Variants in STS observed in about 807,000 individuals in gnomAD.
STS encodes the protein steroid sulfatase.
STS carries 7 observed loss-of-function variants against 26.8 expected under a neutral mutation model. The observed-to-expected ratio is 0.26, with a 90% CI of 0.15 to 0.49. STS has a LOEUF of 0.49. Among genes scored for constraint, STS ranks in the 20% least tolerant of loss-of-function variants. The probability of loss-of-function intolerance (pLI) is 0.98; values close to 1 mark genes in which losing one functional copy is unlikely to be tolerated. For missense variants in STS, 434 were observed against 465.6 expected, an observed-to-expected ratio of 0.93 and a Z score of 0.63; for synonymous variants, 199 against 189.4, an observed-to-expected ratio of 1.05 and a Z score of -0.42.
chrX:7,164,339 C>A (rs1933306543), intron 1 of STS, among the ~76,000 whole-genome samples: 1 of 111,981 alleles, frequency 8.9e-6, no homozygotes, highest in Non-Finnish European at 1.9e-5. Context: ...TTCTTGTGAC[C>A]TTGACCACCC....
At chrX:7,290,723 C>G (rs569422793) in intron 7 of STS, among the ~76,000 whole-genome samples, 1 of 112,270 alleles carries the variant, frequency 8.9e-6, no homozygotes, top group Admixed American at 9.4e-5. Context: ...CTATCCCCCA[C>G]TGACCAACCT....
At chrX:7,152,187 T>C (rs183904514) in intron 1 of STS, among the ~76,000 whole-genome samples, 23 of 109,678 alleles carry the variant, frequency 2.1e-4, no homozygotes, top group Middle Eastern at 5.3e-3. Flanking sequence ...TTCCTGACCT[T>C]GCGATCCGCC....
At chrX:7,211,684 A>G in intron 2 of STS, among the ~76,000 whole-genome samples, 1 of 112,309 alleles carries the variant, frequency 8.9e-6, no homozygotes. Context: ...ATGTGAGTAT[A>G]TCTGTGAGAT....
chrX:7,340,526 G>A (rs373430800), intron 10 of STS, among the ~76,000 whole-genome samples: 1 of 112,032 alleles, frequency 8.9e-6, no homozygotes, highest in African/African-American at 3.2e-5. Flanking sequence ...TTTTGAAGAC[G>A]TGCTTGATGA....
chrX:7,305,575 A>T (rs189146012), intron 8 of STS, among the ~76,000 whole-genome samples: 4 of 112,350 alleles, frequency 3.6e-5, no homozygotes, highest in Non-Finnish European at 5.6e-5. Context: ...CAAGATGGAT[A>T]TCTCACTGGT....
intron 2 of STS, among the ~76,000 whole-genome samples, chrX:7,196,090 A>T (rs887467516): frequency 6.3e-5 from 4 of 63,352 alleles, no homozygotes; most frequent in Non-Finnish European, 1.2e-4. Flanking sequence ...AGGCAGATAA[A>T]CAAGAGAAAA....
At chrX:7,334,151 C>T in intron 10 of STS, 44 bp downstream of exon 10, 1 of 1,210,180 alleles carries the variant, frequency 8.3e-7, no homozygotes. Flanking sequence ...TCCGTGCAAC[C>T]TATGCCATGG....
intron 8 of STS, among the ~76,000 whole-genome samples, chrX:7,310,186 A>C (rs1393843917): frequency 8.9e-6 from 1 of 112,400 alleles, no homozygotes; most frequent in African/African-American, 3.2e-5. Context: ...ATAAATAAGT[A>C]AACCACTGAA....
intron 10 of STS, among the ~76,000 whole-genome samples, chrX:7,343,078 T>C (rs1254971586): frequency 9.0e-6 from 1 of 111,269 alleles, no homozygotes; most frequent in Non-Finnish European, 1.9e-5. Context: ...TGTGAAATGG[T>C]TCTTGAAGAA....
chrX:7,297,731 A>T (rs1925737114), intron 7 of STS, among the ~76,000 whole-genome samples: 2 of 112,058 alleles, frequency 1.8e-5, no homozygotes, highest in South Asian at 3.7e-4. Flanking sequence ...TTCAGAGAGG[A>T]TGATTCTCCA....
chrX:7,220,196 G>A (rs778311125), intron 2 of STS, among the ~76,000 whole-genome samples: 10 of 111,305 alleles, frequency 9.0e-5, no homozygotes, highest in African/African-American at 1.6e-4. Flanking sequence ...ATGGGCTGTC[G>A]GAATCTTCTG....
rs766006551 is a variant in STS, at chrX:7,280,157, T to A, written c.943+4070T>A. ...TGTTGACTGGATGCTAACTGTGTGC[T>A]TAAATGTTTTTTGGCAGTGTAGGGT... On this transcript the variant is annotated intron_variant, in intron 7 of 10. Transcript: ENST00000674429. Among the ~76,000 whole-genome samples, 4 of 112,276 alleles carry A rather than the reference T, an allele frequency of 3.6e-5. No homozygotes were observed. In the East Asian group the frequency reaches 1.1e-3, roughly 32 times the overall value.
At chrX:7,148,755 G>A (rs1436556359) in intron 1 of STS, among the ~76,000 whole-genome samples, 1 of 112,326 alleles carries the variant, frequency 8.9e-6, no homozygotes, top group Non-Finnish European at 1.9e-5. Flanking sequence ...CAACCTCCGT[G>A]CCTGCATCTC....
At chrX:7,332,929 A>G (rs763738480) in intron 9 of STS, among the ~76,000 whole-genome samples, 1 of 112,055 alleles carries the variant, frequency 8.9e-6, no homozygotes, top group South Asian at 3.7e-4. Context: ...TGCAGAGTGC[A>G]TGATTAATAA....
At position 7,259,519 on chromosome X, in the gene STS, C is replaced by T; in HGVS notation, c.553C>T (p.Leu185=). 1 of 1,211,985 alleles carries T rather than the reference C, an allele frequency of 8.3e-7. No individual in the cohort carries two copies. Among genetic ancestry groups the T allele is most frequent in the Non-Finnish European group, 1.1e-6 (1 of 895,474 alleles). The change falls in exon 6 of 11, where the codon CTG becomes TTG. Residue 185 remains leucine, a synonymous_variant. Transcript: ENST00000674429. ...TGFKRLVFLP[L]QIVGVTLLTL... ...CTTCAAGAGGCTGGTCTTCCTCCCC[C>T]TGCAGATCGTCGGGGTCACCCTCCT... is the stretch of plus-strand genomic sequence containing the variant.
intron 2 of STS, among the ~76,000 whole-genome samples, chrX:7,195,304 A>G (rs1294174335): frequency 9.8e-5 from 11 of 111,870 alleles, no homozygotes; most frequent in Non-Finnish European, 2.1e-4. Context: ...TGACAACATA[A>G]TGACTACTGA....
At chrX:7,346,174 C>G (rs185811684) in intron 10 of STS, among the ~76,000 whole-genome samples, 26 of 112,054 alleles carry the variant, frequency 2.3e-4, no homozygotes, top group African/African-American at 8.1e-4. Flanking sequence ...AACTTTTTCT[C>G]ACTTCAATTC....
rs190517192 is a variant in STS at position 7,261,238 on chromosome X, G to C, written c.806+1466G>C. Reference sequence around the variant, plus strand: ...TAAACTCTATGAGAGATGTAAAAGAGAGTTGGGAGGGTGATTTAAAAATTA... The same window carrying C: ...TAAACTCTATGAGAGATGTAAAAGACAGTTGGGAGGGTGATTTAAAAATTA... On this transcript the variant is annotated intron_variant, in intron 6 of 10. Coordinates refer to ENST00000674429, the MANE Select transcript of STS (RefSeq NM_001320752.2). 1.4e-4 allele frequency among the ~76,000 whole-genome samples: 16 copies of C among 111,340 alleles called. No individual in the cohort carries two copies. The Admixed American group carries it at 1.4e-3, about 10-fold the overall frequency.
chrX:7,322,317 G>A lies in STS; in HGVS notation c.1082-3022G>A, dbSNP rs182347815. 4.5e-5 allele frequency among the ~76,000 whole-genome samples: 5 copies of A among 111,944 alleles called. No homozygotes were observed. The East Asian group carries it at 1.4e-3, about 32-fold the overall frequency. ...GTTTCTTGCAGACCTTTAAAGGTAT[G>A]TGTCTCTCAGTTCATCTTTCCTGGA... On this transcript the variant is annotated intron_variant, in intron 8 of 10. Coordinates refer to ENST00000674429, the MANE Select transcript of STS (RefSeq NM_001320752.2).
Sources: allele counts gnomAD v4.1 joint callset (sites outside exome capture counted in the v4.1 genomes callset), GRCh38; gene constraint gnomAD v4.1.1; transcripts MANE v1.5; gene names NCBI Gene and HGNC (gene_info 2026-07-23, HGNC 2026-07-21).